The following NLRP5 variants were observed in gnomAD, a reference collection of about 807,000 sequenced individuals.
NLRP5 encodes NACHT, LRR and PYD domains-containing protein 5.
Under a neutral mutation model 113.1 loss-of-function variants are expected in NLRP5, and 93 were observed. That is an observed-to-expected ratio of 0.82 (90% confidence interval 0.70 to 0.98). The LOEUF is 0.98. Among genes scored for constraint, NLRP5 ranks in the 50% least tolerant of loss-of-function variants. The pLI, the probability that NLRP5 is intolerant of heterozygous loss-of-function variation, is 0.00. For synonymous variants in NLRP5, 751 were observed against 600.7 expected (o/e 1.25, Z -3.66); for missense variants, 1,808 against 1,514.3 (o/e 1.19, Z -3.22).
intron 8 of NLRP5, 62 bp from the exon 9 acceptor site, chr19:56,033,480 G>A (rs1479925656): frequency 3.8e-6 from 5 of 1,310,974 alleles, no homozygotes; most frequent in Non-Finnish European, 4.3e-6. Context: ...GGATGGGAAG[G>A]AAAAATGAGG....
rs1258022690 is a variant in NLRP5 at position 56,005,823 on chromosome 19, C to A, written c.442+1728C>A. On this transcript the variant is annotated intron_variant, in intron 2 of 14. Transcript: ENST00000390649. ...TGAGAGCTAGGGTTTATCAAGTCAGCACTGCACTGAAACTGTCATGTCCCC... is the reference window on the plus strand; with the variant it reads ...TGAGAGCTAGGGTTTATCAAGTCAGAACTGCACTGAAACTGTCATGTCCCC... Among the ~76,000 whole-genome samples the A allele has an allele frequency of 1.3e-5, 2 of 152,176 alleles. 1 individual carries two copies.
At position 56,033,698 on chromosome 19, in the gene NLRP5, G is replaced by T; in HGVS notation, c.2604G>T (p.Leu868Phe). 1 of 1,612,710 alleles carries T rather than the reference G, an allele frequency of 6.2e-7. No individual in the cohort carries two copies. The highest frequency in any genetic ancestry group is 8.5e-7 in the Non-Finnish European group (1 of 1,179,344). The change falls in exon 9 of 15, where the codon TTG (leucine) becomes TTT (phenylalanine). Residue 868 changes from leucine to phenylalanine, a missense_variant. Physicochemically the swap from Leu to Phe is conservative, Grantham distance 22. Coordinates refer to ENST00000390649, the MANE Select transcript of NLRP5 (RefSeq NM_153447.4). Reference sequence around the variant, plus strand: ...CCTTAAAACACCCAAAATGTTTGTTGGAGTCTTTGAGGTACGTCTCTGGTA... The same window carrying T: ...CCTTAAAACACCCAAAATGTTTGTTTGAGTCTTTGAGGTACGTCTCTGGTA...
intron 5 of NLRP5, among the ~76,000 whole-genome samples, chr19:56,019,729 C>T (rs79290885): frequency 0.024 from 3,603 of 151,540 alleles, 50 homozygotes; most frequent in Non-Finnish European, 0.031. Flanking sequence ...ACTTAAGTGG[C>T]AGTAATTATT....
At chr19:56,059,353 G>A (rs998807187) in intron 14 of NLRP5, among the ~76,000 whole-genome samples, 1 of 152,146 alleles carries the variant, frequency 6.6e-6, no homozygotes, top group African/African-American at 2.4e-5. Context: ...TGTCTTCAGT[G>A]TTTAGTGGTA....
chr19:56,015,422 C>T (rs1301065001), intron 3 of NLRP5, among the ~76,000 whole-genome samples: 2 of 152,192 alleles, frequency 1.3e-5, no homozygotes, highest in Non-Finnish European at 2.9e-5. Context: ...TCTTAAACCC[C>T]TGACCTCAAA....
At chr19:56,026,832 T>C in intron 6 of NLRP5, 81 bp from the exon 7 acceptor site, 2 of 1,436,968 alleles carry the variant, frequency 1.4e-6, no homozygotes, top group South Asian at 1.4e-5. Flanking sequence ...CATCTTGACC[T>C]CCCACAGTGC....
At position 56,020,395 on chromosome 19, in the gene NLRP5, CAAG is replaced by C; in HGVS notation, c.647_649del (p.Glu216del). ...TGCAGAAATTTCACAAGCTATGGAA[CAAG>C]AAGGTGCCACAGCAGCAGAGACAGA... On this transcript the variant is annotated inframe_deletion, in exon 6 of 15. Coordinates refer to ENST00000390649, the MANE Select transcript of NLRP5 (RefSeq NM_153447.4). The C allele has an allele frequency of 6.2e-7, 1 of 1,613,154 alleles. No homozygotes were observed.
chr19:56,007,914 T>TGCTTCCAAAGTGCGC (rs1568483131), intron 2 of NLRP5, among the ~76,000 whole-genome samples: 1 of 29,556 alleles, frequency 3.4e-5, no homozygotes, highest in Non-Finnish European at 1.2e-4. Context: ...CGTGTGTGTG[T>TGCTTCCAAAGTGCGC]GTGTGTGTGT....
At chr19:56,002,270 A>G (rs542589959) in intron 1 of NLRP5, among the ~76,000 whole-genome samples, 4 of 152,246 alleles carry the variant, frequency 2.6e-5, no homozygotes, top group African/African-American at 9.6e-5. Context: ...CTTTTAGTGT[A>G]TGTATATTAT....
rs140570438 is a variant in NLRP5, at chr19:56,007,869, T to TTGTGTGTGTGTGTGTG, written c.443-914_443-899dup. ...ATGCTTCCAAAGTGTACAAGACAGT[T>TTGTGTGTGTGTGTGTG]TGTGTGTGTGTGTGTGTGTGCGCGT... On this transcript the variant is annotated intron_variant, in intron 2 of 14. Coordinates refer to ENST00000390649, the MANE Select transcript of NLRP5 (RefSeq NM_153447.4). Among the ~76,000 whole-genome samples the TTGTGTGTGTGTGTGTG allele has an allele frequency of 1.0e-4, 9 of 85,992 alleles. 1 individual carries two copies. The highest frequency in any genetic ancestry group is 3.8e-4 in the African/African-American group (9 of 23,906). The allele number at this position is 85,992 out of a possible 152,430, so 56.4% of individuals were successfully genotyped here. A position where few individuals can be genotyped will look rare whatever the true frequency, so the allele number is the denominator to read the frequency against.
chr19:55,992,873 A>G, the NLRP5 span, among the ~76,000 whole-genome samples: 1 of 151,426 alleles, frequency 6.6e-6, no homozygotes, highest in African/African-American at 2.4e-5. Context: ...TTTTGAAATG[A>G]ATTTTCGCTC....
At chr19:56,024,521 ATATGTATACATATGTATATG>A (rs1245836040) in intron 6 of NLRP5, among the ~76,000 whole-genome samples, 2 of 111,562 alleles carry the variant, frequency 1.8e-5, no homozygotes, top group Non-Finnish European at 1.9e-5. Context: ...ATGTGTATGT[ATATGTATACATATGTATATG>A]TATGTATATG....
intron 9 of NLRP5, 64 bp from the exon 10 acceptor site, chr19:56,037,961 G>A (rs1173336854): frequency 1.3e-6 from 2 of 1,559,656 alleles, no homozygotes; most frequent in African/African-American, 1.4e-5. Context: ...CGTGTGCTGA[G>A]TAGAGGGGAA....
In NLRP5 at chr19:56,006,825, C is replaced by T. The variant is rs985617390; in HGVS notation, c.443-1963C>T. The stretch of plus-strand genomic sequence containing the variant: ...CGCAATCTCGGCTCACCGCAAGCTC[C>T]GCCTTCCGGGTTCATGCCATTCTCC... On this transcript the variant is annotated intron_variant, in intron 2 of 14. Coordinates refer to ENST00000390649, the MANE Select transcript of NLRP5 (RefSeq NM_153447.4). 7.3e-5 allele frequency among the ~76,000 whole-genome samples: 11 copies of T among 151,702 alleles called. No individual in the cohort carries two copies. In the South Asian group the frequency reaches 1.9e-3, roughly 26 times the overall value.
At chr19:56,013,596 G>GTTTTTTTTTTGTTTT (rs1982288056) in intron 3 of NLRP5, among the ~76,000 whole-genome samples, 1 of 59,282 alleles carries the variant, frequency 1.7e-5, no homozygotes, top group African/African-American at 8.7e-5. Context: ...GGACATTTGG[G>GTTTTTTTTTTGTTTT]TTTTTTTTTT....
In NLRP5 at chr19:56,030,714, C is replaced by CTTCTTTTTTTT. The variant is rs1555767859; in HGVS notation, c.2277-1895_2277-1894insCTTTTTTTTTT. ...ACTTACATTCATTCGCTTTCTTCTT[C>CTTCTTTTTTTT]TTTTTTTTTTTTTTTTTTGAGACGG... On this transcript the variant is annotated intron_variant, in intron 7 of 14. Transcript: ENST00000390649. Among the ~76,000 whole-genome samples, 544 of 71,306 alleles carry CTTCTTTTTTTT rather than the reference C, an allele frequency of 7.6e-3. 56 individuals are homozygous for CTTCTTTTTTTT. The highest frequency in any genetic ancestry group is 0.035 in the African/African-American group (486 of 13,932). 46.8% of individuals were successfully genotyped at this position (71,306 alleles called of 152,430 possible).
intron 13 of NLRP5, among the ~76,000 whole-genome samples, chr19:56,057,018 C>A (rs1332475380): frequency 6.6e-6 from 1 of 152,086 alleles, no homozygotes; most frequent in African/African-American, 2.4e-5. Flanking sequence ...CGCTTGTAAT[C>A]CCAGCTACTC....
chr19:56,055,771 T>C (rs1984124696), intron 13 of NLRP5, among the ~76,000 whole-genome samples: 1 of 151,540 alleles, frequency 6.6e-6, no homozygotes, highest in South Asian at 2.1e-4. Flanking sequence ...GGTCTCAATC[T>C]CCTGACCTCA....
At chr19:56,018,082 G>A (rs2123290377) in intron 4 of NLRP5, among the ~76,000 whole-genome samples, 1 of 152,120 alleles carries the variant, frequency 6.6e-6, no homozygotes, top group East Asian at 1.9e-4. Flanking sequence ...ATACACAATG[G>A]GTTATTGAAG....
Sources: allele counts gnomAD v4.1 joint callset (sites outside exome capture counted in the v4.1 genomes callset), GRCh38; gene constraint gnomAD v4.1.1; transcripts MANE v1.5; gene names NCBI Gene and HGNC (gene_info 2026-07-23, HGNC 2026-07-21).